The following IMMP2L variants were observed in gnomAD, a reference collection of about 807,000 sequenced individuals.
The protein encoded by IMMP2L is inner mitochondrial membrane peptidase subunit 2.
IMMP2L carries 18 observed loss-of-function variants against 19.3 expected under a neutral mutation model. The observed-to-expected ratio is 0.93, with a 90% CI of 0.64 to 1.38. IMMP2L has a LOEUF of 1.38. Ranked by LOEUF, IMMP2L falls within the 40% of genes most tolerant of loss-of-function variation. The probability of loss-of-function intolerance (pLI) is 0.00; values close to 1 mark genes in which losing one functional copy is unlikely to be tolerated. For synonymous variants in IMMP2L, 76 were observed against 73.0 expected (o/e 1.04, Z -0.21); for missense variants, 233 against 218.2 (o/e 1.07, Z -0.43).
intron 3 of IMMP2L, among the ~76,000 whole-genome samples, chr7:111,364,328 T>C (rs1829556138): frequency 6.6e-6 from 1 of 152,114 alleles, no homozygotes; most frequent in Admixed American, 6.6e-5. Context: ...TTTACTTTTA[T>C]TTTGGTTTAA....
At chr7:111,416,820 A>T (rs2131564717) in intron 3 of IMMP2L, among the ~76,000 whole-genome samples, 1 of 151,862 alleles carries the variant, frequency 6.6e-6, no homozygotes, top group South Asian at 2.1e-4. Context: ...TTAGACCACA[A>T]TTGAGAGTTT....
chr7:110,862,526 T>C (rs1807553745), intron 5 of IMMP2L, among the ~76,000 whole-genome samples: 1 of 151,366 alleles, frequency 6.6e-6, no homozygotes, highest in African/African-American at 2.4e-5. Context: ...TTTAATTTTT[T>C]GTAGAGACAG....
At chr7:111,228,696 C>T (rs1301328913) in intron 3 of IMMP2L, among the ~76,000 whole-genome samples, 1 of 151,950 alleles carries the variant, frequency 6.6e-6, no homozygotes, top group Non-Finnish European at 1.5e-5. Flanking sequence ...AGCATTTATG[C>T]CTCTGAAACT....
intron 2 of IMMP2L, among the ~76,000 whole-genome samples, chr7:111,489,463 G>A (rs930114185): frequency 2.6e-5 from 4 of 152,082 alleles, no homozygotes; most frequent in Non-Finnish European, 5.9e-5. Context: ...CTTCCTCTCC[G>A]CCTTCACTGA....
At chr7:111,519,903 G>A (rs927651524) in intron 2 of IMMP2L, among the ~76,000 whole-genome samples, 4 of 152,034 alleles carry the variant, frequency 2.6e-5, no homozygotes, top group Non-Finnish European at 1.5e-5. Context: ...CTGATTATTT[G>A]TTACCAAAAG....
At chr7:110,970,001 T>C (rs1431456849) in intron 3 of IMMP2L, among the ~76,000 whole-genome samples, 1 of 152,188 alleles carries the variant, frequency 6.6e-6, no homozygotes, top group Non-Finnish European at 1.5e-5. Context: ...TGTTGTTTAT[T>C]GATAAAAAGT....
rs1021347555 is a variant in IMMP2L at position 111,538,668 on chromosome 7, G to C, written c.-2-17219C>G. ...AAAAAAAAAAAAATTAACATAGCCAGTCATGGTGGCACATGCCTGTGCTCC... is the reference window on the plus strand; with the variant it reads ...AAAAAAAAAAAAATTAACATAGCCACTCATGGTGGCACATGCCTGTGCTCC... On this transcript the variant is annotated intron_variant, in intron 1 of 5. Transcript: ENST00000405709. 2.0e-5 allele frequency among the ~76,000 whole-genome samples: 3 copies of C among 149,678 alleles called. No homozygotes were observed. In the South Asian group the frequency reaches 6.4e-4, roughly 32 times the overall value.
chr7:111,528,433 C>T (rs756938965), intron 1 of IMMP2L, among the ~76,000 whole-genome samples: 3 of 152,082 alleles, frequency 2.0e-5, no homozygotes, highest in African/African-American at 4.8e-5. Flanking sequence ...GTAAGTACAC[C>T]CAGTTCATTG....
At chr7:111,380,090 T>A (rs1271596772) in intron 3 of IMMP2L, among the ~76,000 whole-genome samples, 1 of 151,964 alleles carries the variant, frequency 6.6e-6, no homozygotes, top group Non-Finnish European at 1.5e-5. Context: ...TCACTGCTAA[T>A]TTATTTGTCA....
intron 3 of IMMP2L, among the ~76,000 whole-genome samples, chr7:111,141,268 TAA>T (rs1379251233): frequency 1.3e-5 from 2 of 151,482 alleles, no homozygotes; most frequent in African/African-American, 4.9e-5. Flanking sequence ...TCCTTTGAAA[TAA>T]TACTACAAAG....
intron 5 of IMMP2L, among the ~76,000 whole-genome samples, chr7:110,823,162 T>C (rs1177449375): frequency 6.6e-6 from 1 of 152,096 alleles, no homozygotes; most frequent in East Asian, 1.9e-4. Flanking sequence ...ATAAAAGAAA[T>C]AAAGAATAAT....
rs778704769 is a variant in IMMP2L, at chr7:111,520,410, A to T, written c.135+903T>A. 1.3e-5 allele frequency among the ~76,000 whole-genome samples: 2 copies of T among 152,124 alleles called. 1 individual carries two copies. Among genetic ancestry groups the T allele is most frequent in the Non-Finnish European group, 2.9e-5 (2 of 67,992 alleles). ...AGGATTTCCTGACCTTCTGTATCTG[A>T]CTACCAGAACTCAGGGAGAAGTTCA... On this transcript the variant is annotated intron_variant, in intron 2 of 5. Transcript: ENST00000405709.
chr7:111,377,167 G>C (rs552810558), intron 3 of IMMP2L, among the ~76,000 whole-genome samples: 1 of 151,862 alleles, frequency 6.6e-6, no homozygotes, highest in Admixed American at 6.6e-5. Context: ...CCTAGAAGTA[G>C]CTCCTTATCA....
chr7:111,436,440 C>G (rs906975287), intron 3 of IMMP2L, among the ~76,000 whole-genome samples: 5 of 151,576 alleles, frequency 3.3e-5, no homozygotes, highest in Non-Finnish European at 7.4e-5. Context: ...ATTTCATAAA[C>G]TAGAAAACTT....
chr7:111,031,089 A>C (rs1031867359), intron 3 of IMMP2L, among the ~76,000 whole-genome samples: 1 of 151,798 alleles, frequency 6.6e-6, no homozygotes, highest in Non-Finnish European at 1.5e-5. Flanking sequence ...ACACATGTTT[A>C]GCTTAATATA....
chr7:111,220,835 G>T (rs1423698783), intron 3 of IMMP2L, among the ~76,000 whole-genome samples: 1 of 151,958 alleles, frequency 6.6e-6, no homozygotes, highest in Non-Finnish European at 1.5e-5. Context: ...GAAGGCCTGA[G>T]AACCAGGGGA....
intron 3 of IMMP2L, among the ~76,000 whole-genome samples, chr7:111,121,731 T>C (rs1563266264): frequency 6.6e-6 from 1 of 152,134 alleles, no homozygotes; most frequent in Non-Finnish European, 1.5e-5. Context: ...CATTACTGGG[T>C]ATATACCCAA....
intron 3 of IMMP2L, among the ~76,000 whole-genome samples, chr7:111,016,217 C>T (rs1267652245): frequency 6.6e-6 from 1 of 151,022 alleles, no homozygotes; most frequent in Non-Finnish European, 1.5e-5. Flanking sequence ...CACTAAAAGC[C>T]TTGTGTTTCA....
chr7:110,969,014 T>C (rs921443651), intron 3 of IMMP2L, among the ~76,000 whole-genome samples: 2 of 152,082 alleles, frequency 1.3e-5, no homozygotes, highest in African/African-American at 4.8e-5. Flanking sequence ...TTCTCTTTCA[T>C]GGGAGAACAA....
Sources: allele counts gnomAD v4.1 joint callset (sites outside exome capture counted in the v4.1 genomes callset), GRCh38; gene constraint gnomAD v4.1.1; transcripts MANE v1.5; gene names NCBI Gene and HGNC (gene_info 2026-07-23, HGNC 2026-07-21).